Variants in DOCK7 observed in about 807,000 individuals in gnomAD.
DOCK7 encodes dedicator of cytokinesis protein 7.
A neutral mutation model predicts 271.0 loss-of-function variants in DOCK7; 138 were observed. That is an observed-to-expected ratio of 0.51 (90% confidence interval 0.44 to 0.59). The LOEUF (loss-of-function observed/expected upper bound fraction) is 0.59, where lower values mean the gene tolerates loss of function less well. Ranked by LOEUF, DOCK7 falls within the 20% of genes least tolerant of loss-of-function variation. The pLI is 0.00. For synonymous variants in DOCK7, 823 were observed against 876.1 expected, an observed-to-expected ratio of 0.94 and a Z score of 1.07; for missense variants, 2,066 against 2,592.4, an observed-to-expected ratio of 0.80 and a Z score of 4.41.
intron 14 of DOCK7, among the ~76,000 whole-genome samples, chr1:62,589,407 T>G (rs1328763877): frequency 6.6e-6 from 1 of 152,170 alleles, no homozygotes; most frequent in Non-Finnish European, 1.5e-5. Context: ...TGCAAGCTGG[T>G]TTTTGATTCA....
At position 62,512,731 on chromosome 1, in the gene DOCK7, T is replaced by TA. The variant is rs968616196; in HGVS notation, c.4282+712dup. 2.6e-3 allele frequency among the ~76,000 whole-genome samples: 367 copies of TA among 140,540 alleles called. 1 individual carries two copies. The highest frequency in any genetic ancestry group is 7.4e-3 in the Middle Eastern group (2 of 272). The allele number at this position is 140,540 out of a possible 152,430, so 92.2% of individuals were successfully genotyped here. ...CTGGGCAATACAGTGAGACCATGTT[T>TA]AAAAAAAAAAAAAAATTACTTGGGC... On this transcript the variant is annotated intron_variant, in intron 33 of 49. Coordinates refer to ENST00000635253, the MANE Select transcript of DOCK7 (RefSeq NM_001367561.1).
rs148992059 is a variant in DOCK7, at chr1:62,650,980, A to G, written c.390-2436T>C. Among the ~76,000 whole-genome samples the G allele has an allele frequency of 3.9e-3, 591 of 152,284 alleles. 7 individuals are homozygous for G. The highest frequency in any genetic ancestry group is 0.013 in the African/African-American group (539 of 41,558). ...AAAGGATTATAAATCATGCTGCTAT[A>G]AAGACACATGCACACGTATGTTTAC... On this transcript the variant is annotated intron_variant, in intron 4 of 49. Coordinates refer to ENST00000635253, the MANE Select transcript of DOCK7 (RefSeq NM_001367561.1).
chr1:62,580,708 C>T (rs537687821), intron 16 of DOCK7, among the ~76,000 whole-genome samples: 1 of 152,092 alleles, frequency 6.6e-6, no homozygotes, highest in Admixed American at 6.5e-5. Context: ...AACTAGGCAA[C>T]AGCAGGAATA....
chr1:62,614,697 C>A (rs1271367320), intron 14 of DOCK7, among the ~76,000 whole-genome samples: 1 of 151,836 alleles, frequency 6.6e-6, no homozygotes, highest in Non-Finnish European at 1.5e-5. Context: ...CATATTTAAT[C>A]CCCATAGATT....
Position 62,578,816 on chromosome 1 carries a change from A to T in DOCK7, c.2010+12T>A. The T allele has an allele frequency of 6.3e-7, 1 of 1,581,258 alleles. No homozygotes were observed. Among genetic ancestry groups the T allele is most frequent in the Non-Finnish European group, 8.6e-7 (1 of 1,169,100 alleles). On this transcript the variant is annotated intron_variant, in intron 17 of 49. Coordinates refer to ENST00000635253, the MANE Select transcript of DOCK7 (RefSeq NM_001367561.1). ...AGCTCTTTGATCTAAATATTGAACC[A>T]AAAGGACTCACTGTATATCCAACTG...
In DOCK7 at chr1:62,489,032, T is replaced by C; in HGVS notation, c.5395A>G (p.Lys1799Glu). ...GMYEAVNEVY[K>E]VLIPIHEANR... ...GCTTCATGAATAGGAATAAGTACTTTGTAAACTTCATTAACTGCTTCATAC... is the reference window on the plus strand; with the variant it reads ...GCTTCATGAATAGGAATAAGTACTTCGTAAACTTCATTAACTGCTTCATAC... Residue 1799 changes from lysine (K) to glutamate (E), a missense_variant, in exon 42 of 50, where the codon AAA becomes GAA. This residue lies in a region of DOCK7 where 652 missense variants were observed against 922.1 expected (regional missense o/e 0.71). Transcript: ENST00000635253. The C allele has an allele frequency of 6.2e-7, 1 of 1,604,904 alleles. No homozygotes were observed. The highest frequency in any genetic ancestry group is 8.5e-7 in the Non-Finnish European group (1 of 1,173,940).
At chr1:62,668,841 C>T (rs1016407521) in intron 1 of DOCK7, among the ~76,000 whole-genome samples, 2 of 151,134 alleles carry the variant, frequency 1.3e-5, no homozygotes, top group Non-Finnish European at 2.9e-5. Context: ...AGGAGGACAG[C>T]TTGAGCCCAG....
At position 62,528,290 on chromosome 1, in the gene DOCK7, C is replaced by T. The variant is rs138914992; in HGVS notation, c.3797G>A (p.Arg1266Gln). 7.0e-5 allele frequency: 113 copies of T among 1,608,960 alleles called. No individual in the cohort carries two copies. In the African/African-American group the frequency reaches 7.2e-4, roughly 10 times the overall value. ...AGTGGCTATACAAATTGGTCTTCCT[C>T]GTTGATTGTGAGTTTCTAAAGAAAA... ...LYDFTETHNQ[R>Q]GRPICIATDD... Residue 1266 changes from arginine (R) to glutamine (Q), a missense_variant, in exon 31 of 50, where the codon CGA (arginine) becomes CAA (glutamine). By Grantham distance (43) the Arg-to-Gln change is conservative. Transcript: ENST00000635253.
chr1:62,684,910 C>T (rs2149785758), intron 1 of DOCK7, among the ~76,000 whole-genome samples: 1 of 152,296 alleles, frequency 6.6e-6, no homozygotes, highest in African/African-American at 2.4e-5. Context: ...TAAAAAATAA[C>T]TGCGACAGAA....
intron 31 of DOCK7, among the ~76,000 whole-genome samples, chr1:62,519,320 A>G (rs1200101932): frequency 6.6e-6 from 1 of 152,348 alleles, no homozygotes; most frequent in African/African-American, 2.4e-5. Flanking sequence ...TCATTCTTTT[A>G]GAATACATGA....
At chr1:62,466,261 A>C (rs1645674190) in intron 48 of DOCK7, among the ~76,000 whole-genome samples, 1 of 152,188 alleles carries the variant, frequency 6.6e-6, no homozygotes, top group African/African-American at 2.4e-5. Context: ...TTTAGAAAAA[A>C]AAATGCCACA....
chr1:62,587,575 A>G (rs1647754872), intron 14 of DOCK7, among the ~76,000 whole-genome samples: 1 of 152,178 alleles, frequency 6.6e-6, no homozygotes, highest in African/African-American at 2.4e-5. Flanking sequence ...AACATTTTTG[A>G]TAAGAGAATG....
intron 40 of DOCK7, among the ~76,000 whole-genome samples, chr1:62,493,111 G>T (rs1403168289): frequency 2.0e-5 from 3 of 152,108 alleles, no homozygotes; most frequent in Non-Finnish European, 2.9e-5. Context: ...AAAGGAAATT[G>T]TAATATAACA....
chr1:62,603,958 TTTC>T (rs1447140701), intron 14 of DOCK7: 1 of 1,612,116 alleles, frequency 6.2e-7, no homozygotes, highest in Non-Finnish European at 8.5e-7. Context: ...TTTTAAAACT[TTTC>T]TTTTCAGGAG....
intron 16 of DOCK7, among the ~76,000 whole-genome samples, chr1:62,579,617 A>T (rs950038431): frequency 2.7e-5 from 4 of 147,470 alleles, no homozygotes; most frequent in African/African-American, 5.0e-5. Context: ...TGAGAGGATC[A>T]CTTGAGTCCA....
chr1:62,568,305 ATTT>A (rs34058415), intron 18 of DOCK7, among the ~76,000 whole-genome samples: 1 of 144,148 alleles, frequency 6.9e-6, no homozygotes, highest in Admixed American at 7.0e-5. Context: ...AGCTAGAAAG[ATTT>A]TTTTTTTTTT....
In DOCK7 at chr1:62,492,853, GA is replaced by G. The variant is rs747219212; in HGVS notation, c.5218-7del. 3 of 1,599,668 alleles carry G rather than the reference GA, an allele frequency of 1.9e-6. No homozygotes were observed. Among genetic ancestry groups the G allele is most frequent in the South Asian group, 2.3e-5 (2 of 87,400 alleles). On this transcript the variant is annotated splice_region_variant and splice_polypyrimidine_tract_variant and intron_variant, in intron 40 of 49. Transcript: ENST00000635253. ...AAAACATTAGATGAAATATTCTAGGGAAAAAATATATTGAAAAGGTTTTTGA... is the reference window on the plus strand; with the variant it reads ...AAAACATTAGATGAAATATTCTAGGGAAAAATATATTGAAAAGGTTTTTGA...
intron 27 of DOCK7, among the ~76,000 whole-genome samples, 184 bp downstream of exon 27, chr1:62,539,361 T>C (rs1204085937): frequency 6.6e-6 from 1 of 152,220 alleles, no homozygotes; most frequent in East Asian, 1.9e-4. Context: ...CCACAGTCCT[T>C]GTGTCCTGAT....
chr1:62,505,371 T>C (rs1159713839), intron 36 of DOCK7, among the ~76,000 whole-genome samples: 2 of 152,042 alleles, frequency 1.3e-5, no homozygotes, highest in Admixed American at 1.3e-4. Flanking sequence ...CAGAACCAAG[T>C]GAAGAGAAAA....
Sources: allele counts gnomAD v4.1 joint callset (sites outside exome capture counted in the v4.1 genomes callset), GRCh38; gene constraint gnomAD v4.1.1; regional missense constraint gnomAD v4.1.1; transcripts MANE v1.5; gene names NCBI Gene and HGNC (gene_info 2026-07-23, HGNC 2026-07-21).